Variants in DDHD1 observed in about 807,000 individuals in gnomAD.
The protein encoded by DDHD1 is phospholipase DDHD1.
Under a neutral mutation model 96.4 loss-of-function variants are expected in DDHD1, and 49 were observed. The ratio of observed to expected loss-of-function variants is 0.51; its 90% CI spans 0.40 to 0.64. The LOEUF is 0.64. Among genes scored for constraint, DDHD1 ranks in the 30% least tolerant of loss-of-function variants. The pLI is 0.00. For synonymous variants in DDHD1, 442 were observed against 446.5 expected (o/e 0.99, Z 0.13); for missense variants, 1,106 against 1,161.2 (o/e 0.95, Z 0.69).
chr14:53,139,185 C>T (rs1343563039), intron 1 of DDHD1, among the ~76,000 whole-genome samples: 4 of 151,888 alleles, frequency 2.6e-5, no homozygotes, highest in Admixed American at 2.0e-4. Flanking sequence ...GGCTGGGGTC[C>T]GGCAGAATTG....
At chr14:53,143,372 G>A (rs1469615364) in intron 1 of DDHD1, among the ~76,000 whole-genome samples, 2 of 152,326 alleles carry the variant, frequency 1.3e-5, no homozygotes, top group Admixed American at 6.5e-5. Context: ...CCTCGGTGCA[G>A]TAAAGAAATA....
In DDHD1 at chr14:53,046,778, T is replaced by C. The variant is rs748343890; in HGVS notation, c.2693A>G (p.Asp898Gly). The C allele has an allele frequency of 1.9e-6, 3 of 1,603,730 alleles. No individual in the cohort carries two copies. Among genetic ancestry groups the C allele is most frequent in the Non-Finnish European group, 2.6e-6 (3 of 1,175,388 alleles). The change falls in exon 13 of 13, where the codon GAT (aspartate) becomes GGT (glycine). Residue 898 changes from aspartate (D) to glycine (G), a missense_variant. Asp to Gly is a moderately conservative substitution (Grantham distance 94, BLOSUM62 -1). This residue lies in a region of DDHD1 where 650 missense variants were observed against 758.8 expected (regional missense o/e 0.86). Coordinates refer to ENST00000673822, the MANE Select transcript of DDHD1 (RefSeq NM_001160148.2). The part of the protein sequence containing the change: ...EHDDDAKPNL[D>G]PI ...GTCCTTCAAGAGAGTTCAGATTGGA[T>C]CTAAATTGGGTTTTGCATCATCATC...
intron 4 of DDHD1, among the ~76,000 whole-genome samples, chr14:53,088,482 T>TG (rs1444730662): frequency 4.6e-5 from 7 of 151,720 alleles, no homozygotes; most frequent in African/African-American, 7.3e-5. Flanking sequence ...AAGATCAAGT[T>TG]GGCTTCATCC....
chr14:53,095,431 A>AT (rs1886810092), intron 2 of DDHD1, among the ~76,000 whole-genome samples: 1 of 152,186 alleles, frequency 6.6e-6, no homozygotes, highest in African/African-American at 2.4e-5. Context: ...ATCATAAGAC[A>AT]TTTTTATGAA....
intron 11 of DDHD1, chr14:53,053,122 G>GA (rs1245366920): frequency 6.6e-6 from 1 of 151,844 alleles, no homozygotes; most frequent in Admixed American, 6.6e-5. Flanking sequence ...CACTACTGTT[G>GA]CACATTAATG....
intron 2 of DDHD1, chr14:53,103,146 T>C: frequency 4.8e-6 from 6 of 1,251,016 alleles, no homozygotes; most frequent in Non-Finnish European, 6.8e-6. Flanking sequence ...GTGGCAATCT[T>C]AGCTACTATA....
intron 8 of DDHD1, among the ~76,000 whole-genome samples, chr14:53,059,607 TG>T (rs1883363481): frequency 2.7e-5 from 4 of 149,708 alleles, no homozygotes; most frequent in Admixed American, 2.6e-4. Context: ...GGCCCACGCC[TG>T]TAATCCCAGC....
intron 8 of DDHD1, 58 bp from the exon 9 acceptor site, chr14:53,058,684 A>T: frequency 2.0e-6 from 3 of 1,511,662 alleles, no homozygotes; most frequent in South Asian, 2.5e-5. Context: ...CTTTCAACAA[A>T]ATTTGGGCAT....
At chr14:53,070,110 A>G (rs1230876483) in intron 6 of DDHD1, among the ~76,000 whole-genome samples, 9 of 152,136 alleles carry the variant, frequency 5.9e-5, no homozygotes, top group Admixed American at 5.9e-4. Context: ...ACCACCAACC[A>G]TATATATGCA....
chr14:53,065,455 C>T (rs1194295866), intron 6 of DDHD1, among the ~76,000 whole-genome samples: 1 of 152,196 alleles, frequency 6.6e-6, no homozygotes, highest in East Asian at 1.9e-4. Context: ...ACAGGTCTCT[C>T]TGGATTTCTT....
chr14:53,085,150 T>C (rs941222742), intron 4 of DDHD1, among the ~76,000 whole-genome samples: 99 of 152,260 alleles, frequency 6.5e-4, no homozygotes, highest in African/African-American at 2.3e-3. Context: ...CCACTGCAGC[T>C]CAATGAGGCC....
chr14:53,072,255 G>A (rs1394242658), intron 6 of DDHD1, among the ~76,000 whole-genome samples: 1 of 151,926 alleles, frequency 6.6e-6, no homozygotes, highest in Non-Finnish European at 1.5e-5. Context: ...CAGAAGTGAA[G>A]CAATAAAAGT....
At chr14:53,116,843 A>G (rs1338965796) in intron 1 of DDHD1, among the ~76,000 whole-genome samples, 1 of 152,208 alleles carries the variant, frequency 6.6e-6, no homozygotes, top group Non-Finnish European at 1.5e-5. Flanking sequence ...CAAATTCAAA[A>G]GCTGGCAGAA....
chr14:53,043,415 G>GTGTGTC lies in DDHD1; in HGVS notation c.*3352_*3353insGACACA, dbSNP rs1881799279. 1.3e-5 allele frequency: 2 copies of GTGTGTC among 152,084 alleles called. No individual in the cohort carries two copies. The highest frequency in any genetic ancestry group is 4.2e-4 in the South Asian group (2 of 4,814). 9.4% of individuals were successfully genotyped at this position (152,084 alleles called of 1,614,324 possible). A position where few individuals can be genotyped will look rare whatever the true frequency, so the allele number is the denominator to read the frequency against. On this transcript the variant is annotated 3_prime_UTR_variant, in exon 13 of 13. Transcript: ENST00000673822. ...CCAGTGTGTGTGTGTGTGTGTGTGT[G>GTGTGTC]TGTGTGTAAATACATACTTTTTTTT...
At chr14:53,082,441 C>A (rs1467452573) in intron 4 of DDHD1, among the ~76,000 whole-genome samples, 2 of 135,052 alleles carry the variant, frequency 1.5e-5, no homozygotes, top group Non-Finnish European at 3.0e-5. Flanking sequence ...CTCCAAGATA[C>A]CTTTTTTTTT....
intron 1 of DDHD1, among the ~76,000 whole-genome samples, chr14:53,114,132 C>T (rs183095113): frequency 1.3e-5 from 2 of 152,274 alleles, no homozygotes; most frequent in East Asian, 1.9e-4. Flanking sequence ...TTCACCACAG[C>T]GGGGCAAAGC....
rs1881318823 is a variant in DDHD1, at chr14:53,037,119, T to C, written c.*9649A>G. 1 of 152,196 alleles carries C rather than the reference T, an allele frequency of 6.6e-6. No homozygotes were observed. Among genetic ancestry groups the C allele is most frequent in the Non-Finnish European group, 1.5e-5 (1 of 68,032 alleles). The allele number at this position is 152,196 out of a possible 1,614,324, so 9.4% of individuals were successfully genotyped here. ...AAAGGACATGATTTTGTTCTTTTTA[T>C]GGCTGCCTAATACTCCATGATTTAT... is the stretch of plus-strand genomic sequence containing the variant. On this transcript the variant is annotated 3_prime_UTR_variant, in exon 13 of 13. Transcript: ENST00000673822.
At chr14:53,061,540 A>G (rs551420322) in intron 7 of DDHD1, among the ~76,000 whole-genome samples, 422 of 152,198 alleles carry the variant, frequency 2.8e-3, no homozygotes, top group Non-Finnish European at 4.8e-3. Flanking sequence ...TATACTTAAG[A>G]GTTTAGAGAT....
chr14:53,146,333 A>G (rs1004168191), intron 1 of DDHD1, among the ~76,000 whole-genome samples: 3 of 151,124 alleles, frequency 2.0e-5, no homozygotes, highest in Admixed American at 6.6e-5. Context: ...GTGAAACTCC[A>G]TATCTACTAA....
Sources: allele counts gnomAD v4.1 joint callset (sites outside exome capture counted in the v4.1 genomes callset), GRCh38; gene constraint gnomAD v4.1.1; regional missense constraint gnomAD v4.1.1; transcripts MANE v1.5; gene names NCBI Gene and HGNC (gene_info 2026-07-23, HGNC 2026-07-21).